The following NAALADL2 variants were observed in gnomAD, a reference collection of about 807,000 sequenced individuals.
NAALADL2 encodes the protein N-acetylated alpha-linked acidic dipeptidase like 2.
NAALADL2 carries 76 observed loss-of-function variants against 87.2 expected under a neutral mutation model. That is an observed-to-expected ratio of 0.87 (90% CI 0.72 to 1.05). The LOEUF is 1.05. Ranked by LOEUF, NAALADL2 falls within the 50% of genes least tolerant of loss-of-function variation. NAALADL2 has a pLI of 0.00. For missense variants in NAALADL2, 1,089 were observed against 945.8 expected (o/e 1.15, Z -1.99); for synonymous variants, 354 against 331.0 (o/e 1.07, Z -0.75).
At chr3:174,944,642 G>A (rs1232732925) in intron 1 of NAALADL2, among the ~76,000 whole-genome samples, 2 of 152,126 alleles carry the variant, frequency 1.3e-5, no homozygotes, top group African/African-American at 2.4e-5. Flanking sequence ...GGAAGCCTAG[G>A]AAGCTCAGGT....
intron 3 of NAALADL2, among the ~76,000 whole-genome samples, chr3:174,747,848 A>G (rs1734416747): frequency 6.6e-6 from 1 of 152,182 alleles, no homozygotes; most frequent in East Asian, 1.9e-4. Context: ...TCTATTATAA[A>G]GATACATGCA....
intron 10 of NAALADL2, among the ~76,000 whole-genome samples, chr3:175,600,014 G>A (rs1196991478): frequency 1.3e-5 from 2 of 151,642 alleles, no homozygotes; most frequent in Non-Finnish European, 2.9e-5. Context: ...TAAATATCAG[G>A]TATATCATAC....
intron 2 of NAALADL2, among the ~76,000 whole-genome samples, chr3:174,646,695 AAATT>A (rs1201058640): frequency 9.2e-5 from 14 of 152,118 alleles, no homozygotes; most frequent in Non-Finnish European, 1.6e-4. Context: ...GACATTTTAA[AAATT>A]AATTGTCTTT....
intron 12 of NAALADL2, among the ~76,000 whole-genome samples, chr3:175,744,967 C>A (rs573486311): frequency 2.7e-5 from 4 of 146,920 alleles, no homozygotes; most frequent in South Asian, 2.1e-4. Context: ...AAAAAAAAAA[C>A]TGACCTTCAA....
chr3:175,522,066 G>T (rs1732730376), intron 9 of NAALADL2, among the ~76,000 whole-genome samples: 1 of 152,106 alleles, frequency 6.6e-6, no homozygotes, highest in Non-Finnish European at 1.5e-5. Flanking sequence ...ATGATATGAA[G>T]ATTGTATTTA....
chr3:175,096,882 C>G lies in NAALADL2; in HGVS notation c.136C>G (p.Leu46Val). 6.2e-7 allele frequency: 1 copy of G among 1,613,228 alleles called. No individual in the cohort carries two copies. Among genetic ancestry groups the G allele is most frequent in the Non-Finnish European group, 8.5e-7 (1 of 1,179,580 alleles). The change falls in exon 2 of 14, where the codon CTT (leucine) becomes GTT (valine). Residue 46 changes from leucine to valine, a missense_variant. Coordinates refer to ENST00000454872, the MANE Select transcript of NAALADL2 (RefSeq NM_207015.3). ...LDNDDLQATA[L>V]DLEWDMEKEL... is the part of the protein sequence containing the mutation. ...CAATGATGACCTTCAAGCCACTGCC[C>G]TTGACTTAGAGTGGGACATGGAGAA...
intron 2 of NAALADL2, among the ~76,000 whole-genome samples, chr3:174,707,384 T>C (rs1200916978): frequency 6.6e-6 from 1 of 152,064 alleles, no homozygotes; most frequent in Non-Finnish European, 1.5e-5. Flanking sequence ...TAGCAAAGAC[T>C]TGGAACCAAC....
intron 1 of NAALADL2, among the ~76,000 whole-genome samples, chr3:174,543,030 A>G (rs1262573369): frequency 6.6e-6 from 1 of 152,186 alleles, no homozygotes; most frequent in African/African-American, 2.4e-5. Flanking sequence ...ACCCATCAGC[A>G]TGAACCATAG....
intron 5 of NAALADL2, among the ~76,000 whole-genome samples, chr3:175,359,497 G>C (rs1381047839): frequency 6.6e-6 from 1 of 151,000 alleles, no homozygotes; most frequent in Admixed American, 6.7e-5. Context: ...GTGTAGGAAG[G>C]ATATATCTAA....
intron 1 of NAALADL2, chr3:175,079,493 A>C (rs574900519): frequency 1.3e-5 from 2 of 152,234 alleles, no homozygotes; most frequent in Non-Finnish European, 2.9e-5. Context: ...TTTTAAGAGA[A>C]AGAAATGTTG....
intron 3 of NAALADL2, among the ~76,000 whole-genome samples, chr3:174,822,449 A>T (rs1721531582): frequency 6.6e-6 from 1 of 152,156 alleles, no homozygotes; most frequent in Non-Finnish European, 1.5e-5. Flanking sequence ...CAAATATAAA[A>T]ATCAACAGGG....
chr3:174,666,730 C>G (rs943319550), intron 2 of NAALADL2, among the ~76,000 whole-genome samples: 2 of 152,120 alleles, frequency 1.3e-5, no homozygotes, highest in Non-Finnish European at 2.9e-5. Flanking sequence ...ATCTTTAAGT[C>G]TACATTTCAG....
intron 4 of NAALADL2, among the ~76,000 whole-genome samples, chr3:175,294,551 G>A (rs936937510): frequency 1.3e-5 from 2 of 152,146 alleles, no homozygotes; most frequent in South Asian, 2.1e-4. Flanking sequence ...ATGACCTATT[G>A]CTTTGAGAAG....
rs551519646 is a variant in NAALADL2, at chr3:175,490,885, AG to A, written c.1653+19128del. Among the ~76,000 whole-genome samples, 305 of 152,258 alleles carry A rather than the reference AG, an allele frequency of 2.0e-3. 1 individual carries two copies. The highest frequency in any genetic ancestry group is 6.2e-3 in the African/African-American group (258 of 41,556). ...ATAGCTGGGTTAATTATTACCTTAT[AG>A]TTAGGAATTCAAACCAAGACTATGC... On this transcript the variant is annotated intron_variant, in intron 9 of 13. Coordinates refer to ENST00000454872, the MANE Select transcript of NAALADL2 (RefSeq NM_207015.3).
chr3:174,972,290 A>G (rs1246220029), intron 1 of NAALADL2, among the ~76,000 whole-genome samples: 1 of 152,180 alleles, frequency 6.6e-6, no homozygotes, highest in East Asian at 1.9e-4. Flanking sequence ...TTCTTGTGCT[A>G]AAGAATGTAT....
At chr3:175,423,018 G>GGA (rs1715982651) in intron 5 of NAALADL2, among the ~76,000 whole-genome samples, 1 of 61,612 alleles carries the variant, frequency 1.6e-5, no homozygotes, top group East Asian at 5.4e-4. Context: ...AGGTCCTTAA[G>GGA]AAAAAAAAAA....
At chr3:174,879,961 C>T (rs965679664) in intron 1 of NAALADL2, among the ~76,000 whole-genome samples, 9 of 152,056 alleles carry the variant, frequency 5.9e-5, no homozygotes, top group Non-Finnish European at 1.2e-4. Context: ...CCCTGGTCTT[C>T]GGGTACTGTG....
chr3:175,058,470 G>A (rs1470036337), intron 1 of NAALADL2, among the ~76,000 whole-genome samples: 1 of 152,088 alleles, frequency 6.6e-6, no homozygotes, highest in Non-Finnish European at 1.5e-5. Context: ...ATTCATCTAA[G>A]AATCATGAAA....
chr3:174,999,263 G>A (rs1464086748), intron 1 of NAALADL2, among the ~76,000 whole-genome samples: 1 of 151,970 alleles, frequency 6.6e-6, no homozygotes, highest in Non-Finnish European at 1.5e-5. Context: ...CCAAAATTAA[G>A]TTTACTTTTT....
Sources: allele counts gnomAD v4.1 joint callset (sites outside exome capture counted in the v4.1 genomes callset), GRCh38; gene constraint gnomAD v4.1.1; transcripts MANE v1.5; gene names NCBI Gene and HGNC (gene_info 2026-07-23, HGNC 2026-07-21).